The following RBFOX1 variants were observed in gnomAD, a reference collection of about 807,000 sequenced individuals.
RBFOX1 encodes RNA binding fox-1 homolog 1.
Under a neutral mutation model 57.7 loss-of-function variants are expected in RBFOX1, and 8 were observed. The ratio of observed to expected loss-of-function variants is 0.14; its 90% CI spans 0.08 to 0.25. The LOEUF (loss-of-function observed/expected upper bound fraction) is 0.25. Ranked by LOEUF, RBFOX1 falls within the 10% of genes least tolerant of loss-of-function variation. The pLI is 1.00. For missense variants in RBFOX1, 611 were observed against 548.5 expected (o/e 1.11, Z -1.14); for synonymous variants, 326 against 222.4 (o/e 1.47, Z -4.15).
At chr16:5,659,821 G>T (rs1038329346) in intron 3 of RBFOX1, among the ~76,000 whole-genome samples, 1 of 152,014 alleles carries the variant, frequency 6.6e-6, no homozygotes, top group Non-Finnish European at 1.5e-5. Flanking sequence ...TCAAATCATT[G>T]GTATTTTCAC....
chr16:6,237,333 G>C (rs1243333727), intron 1 of RBFOX1, among the ~76,000 whole-genome samples: 1 of 152,216 alleles, frequency 6.6e-6, no homozygotes, highest in Non-Finnish European at 1.5e-5. Flanking sequence ...TTGAGAGGCA[G>C]TGCTTGGGCA....
intron 1 of RBFOX1, among the ~76,000 whole-genome samples, chr16:6,142,495 A>G (rs545409502): frequency 2.0e-5 from 3 of 152,238 alleles, no homozygotes; most frequent in African/African-American, 7.2e-5. Flanking sequence ...CGCTGGGATT[A>G]CAGGCGTGAG....
chr16:7,089,916 A>AG (rs2151085584), intron 4 of RBFOX1, among the ~76,000 whole-genome samples: 1 of 151,616 alleles, frequency 6.6e-6, no homozygotes, highest in African/African-American at 2.4e-5. Context: ...CTGCATTCAA[A>AG]AAAAAAATGG....
intron 4 of RBFOX1, among the ~76,000 whole-genome samples, chr16:7,496,993 C>A (rs770487999): frequency 2.6e-5 from 4 of 152,076 alleles, no homozygotes; most frequent in Non-Finnish European, 5.9e-5. Flanking sequence ...GGCTTTGTCA[C>A]GTCTCCCATA....
At chr16:5,264,202 G>A (rs113071534) in intron 1 of RBFOX1, among the ~76,000 whole-genome samples, 35 of 152,298 alleles carry the variant, frequency 2.3e-4, no homozygotes, top group African/African-American at 7.0e-4. Context: ...GCGATGTTAG[G>A]TCTCGGGGCC....
At chr16:5,678,809 C>G (rs943752312) in intron 3 of RBFOX1, among the ~76,000 whole-genome samples, 1 of 152,148 alleles carries the variant, frequency 6.6e-6, no homozygotes, top group Admixed American at 6.5e-5. Context: ...TTGAGTCAAC[C>G]CGCTGTTCTA....
intron 1 of RBFOX1, among the ~76,000 whole-genome samples, chr16:5,316,400 T>C (rs34072055): frequency 0.19 from 28,208 of 152,208 alleles, 3,260 homozygotes; most frequent in African/African-American, 0.33. Flanking sequence ...GCCCAGAACA[T>C]GGGCAGTCTC....
At chr16:5,460,916 T>C (rs2068768389) in intron 1 of RBFOX1, among the ~76,000 whole-genome samples, 1 of 152,166 alleles carries the variant, frequency 6.6e-6, no homozygotes, top group African/African-American at 2.4e-5. Flanking sequence ...ATATTGTCAC[T>C]TGTCATCAGG....
chr16:7,243,942 C>T (rs1239452319), intron 4 of RBFOX1, among the ~76,000 whole-genome samples: 2 of 150,840 alleles, frequency 1.3e-5, no homozygotes, highest in African/African-American at 4.9e-5. Flanking sequence ...ATTCATTAAA[C>T]CTCTGAAGTC....
rs1306580323 is a variant in RBFOX1 at position 5,794,475 on chromosome 16, G to T, written c.319-72828G>T. 2.6e-5 allele frequency among the ~76,000 whole-genome samples: 4 copies of T among 151,382 alleles called. No individual in the cohort carries two copies. The East Asian group carries it at 7.7e-4, about 29-fold the overall frequency. On this transcript the variant is annotated intron_variant, in intron 3 of 19. Coordinates refer to the RBFOX1 transcript ENST00000641259. ...CACCAAAATGTCTGTGATACCAGAGGCACACTCACCTTATGTGAAACTCAA... is the reference window on the plus strand; with the variant it reads ...CACCAAAATGTCTGTGATACCAGAGTCACACTCACCTTATGTGAAACTCAA...
intron 3 of RBFOX1, among the ~76,000 whole-genome samples, chr16:7,043,733 G>C (rs1001267146): frequency 6.6e-6 from 1 of 152,156 alleles, no homozygotes; most frequent in Non-Finnish European, 1.5e-5. Context: ...TTTATTGTGT[G>C]TCTTCTGTTT....
intron 3 of RBFOX1, among the ~76,000 whole-genome samples, chr16:6,995,658 G>A (rs1435545270): frequency 6.6e-6 from 1 of 152,084 alleles, no homozygotes; most frequent in African/African-American, 2.4e-5. Context: ...TACTCAGAAG[G>A]CTGAGGCAGG....
At chr16:5,354,085 C>G (rs995034933) in intron 1 of RBFOX1, among the ~76,000 whole-genome samples, 2 of 152,140 alleles carry the variant, frequency 1.3e-5, no homozygotes, top group African/African-American at 4.8e-5. Flanking sequence ...CTCCACCGGC[C>G]CCTTACCTGT....
intron 3 of RBFOX1, among the ~76,000 whole-genome samples, chr16:5,813,967 C>G (rs1035017606): frequency 3.3e-5 from 5 of 152,296 alleles, no homozygotes; most frequent in South Asian, 2.1e-4. Context: ...ATGGCAAAAA[C>G]CACAATTACT....
chr16:7,235,039 A>G (rs746174236), intron 4 of RBFOX1, among the ~76,000 whole-genome samples: 14 of 152,262 alleles, frequency 9.2e-5, no homozygotes, highest in Middle Eastern at 3.4e-3. Context: ...TCGAAGTGCT[A>G]TGGTGGAATT....
intron 4 of RBFOX1, among the ~76,000 whole-genome samples, chr16:7,120,694 G>GAA (rs35456614): frequency 5.4e-4 from 74 of 135,952 alleles, no homozygotes; most frequent in African/African-American, 1.2e-3. Flanking sequence ...TTAATGTTGG[G>GAA]AAAAAAAAAA....
At chr16:6,951,149 C>G (rs762046034) in intron 3 of RBFOX1, among the ~76,000 whole-genome samples, 6 of 152,150 alleles carry the variant, frequency 3.9e-5, no homozygotes, top group African/African-American at 1.4e-4. Flanking sequence ...TCAACAAATC[C>G]TCCAGCATCA....
chr16:7,177,148 C>G (rs1032525434), intron 4 of RBFOX1, among the ~76,000 whole-genome samples: 3 of 152,200 alleles, frequency 2.0e-5, no homozygotes, highest in African/African-American at 7.2e-5. Context: ...ACTTTGCTGA[C>G]TGGCATGCAT....
chr16:6,019,513 G>A lies in RBFOX1; in HGVS notation c.-606G>A. ...CCAGCCCCCCAGCAGCACCCGCGGT[G>A]GGGCGGGGGCGCTCTGCCAGCCCCG... On this transcript the variant is annotated 5_prime_UTR_variant, in exon 1 of 16. Coordinates refer to ENST00000550418, the MANE Select transcript of RBFOX1 (RefSeq NM_018723.4). The surrounding 1 kb of genome is among the most constrained non-coding windows in gnomAD (Gnocchi z 4.2). 1 of 1,043,802 alleles carries A rather than the reference G, an allele frequency of 9.6e-7. No individual in the cohort carries two copies. The highest frequency in any genetic ancestry group is 1.2e-6 in the Non-Finnish European group (1 of 867,764). The allele number at this position is 1,043,802 out of a possible 1,614,324, so 64.7% of individuals were successfully genotyped here.
Sources: gnomAD v4.1 joint callset for allele counts (sites outside exome capture counted in the v4.1 genomes callset) on GRCh38, gnomAD v4.1.1 for gene constraint, Gnocchi (gnomAD v3.1) non-coding constraint, MANE v1.5 for transcripts, NCBI Gene and HGNC (gene_info 2026-07-23, HGNC 2026-07-21) for gene names.